Variants in WDFY2 observed in about 807,000 individuals in gnomAD.
WDFY2 encodes WD repeat and FYVE domain-containing protein 2.
In WDFY2, 36 loss-of-function variants were observed where a neutral mutation model predicts 56.4. That is an observed-to-expected ratio of 0.64 (90% CI 0.49 to 0.84). The LOEUF is 0.84. Ranked by LOEUF, WDFY2 falls within the 40% of genes least tolerant of loss-of-function variation. The pLI is 0.00. For missense variants in WDFY2, 444 were observed against 512.2 expected (o/e 0.87, Z 1.29); for synonymous variants, 176 against 183.7 (o/e 0.96, Z 0.34).
intron 7 of WDFY2, among the ~76,000 whole-genome samples, chr13:51,742,762 A>C (rs1547114): frequency 0.98 from 149,936 of 152,274 alleles, 73,857 homozygotes; most frequent in East Asian, 1. Context: ...TCCACCAAGA[A>C]TGGATTCAGC....
At chr13:51,695,846 G>C (rs549463974) in intron 3 of WDFY2, among the ~76,000 whole-genome samples, 117 of 152,328 alleles carry the variant, frequency 7.7e-4, no homozygotes, top group Middle Eastern at 6.8e-3. Flanking sequence ...TGGAGCTTCC[G>C]GGCTGCTTTG....
chr13:51,617,338 T>C (rs1431855511), intron 1 of WDFY2, among the ~76,000 whole-genome samples: 1 of 150,034 alleles, frequency 6.7e-6, no homozygotes, highest in Non-Finnish European at 1.5e-5. Flanking sequence ...AAGTACAGAA[T>C]TCTTTTTCTT....
intron 7 of WDFY2, among the ~76,000 whole-genome samples, chr13:51,747,244 A>C (rs1192291030): frequency 6.6e-6 from 1 of 152,282 alleles, no homozygotes; most frequent in Non-Finnish European, 1.5e-5. Flanking sequence ...TGATATCAGA[A>C]TGAGGGAAAG....
intron 3 of WDFY2, among the ~76,000 whole-genome samples, chr13:51,692,811 A>C (rs1047070014): frequency 1.1e-4 from 16 of 152,160 alleles, no homozygotes; most frequent in African/African-American, 1.7e-4. Flanking sequence ...TCGGCTGTGA[A>C]TCCATATGGT....
Position 51,759,925 on chromosome 13 carries a change from C to A in WDFY2, c.*156C>A. On this transcript the variant is annotated 3_prime_UTR_variant, in exon 12 of 12. Transcript: ENST00000298125. ...GATTACCCATGTGCACAGTGGGGAC[C>A]TGGCCAGTGAGCACTCGCAAGGGGA... 1.4e-6 allele frequency: 1 copy of A among 710,348 alleles called. No individual in the cohort carries two copies. The highest frequency in any genetic ancestry group is 2.3e-6 in the Non-Finnish European group (1 of 426,808). The allele number at this position is 710,348 out of a possible 1,614,324, so 44.0% of individuals were successfully genotyped here.
chr13:51,691,116 G>A (rs546557286), intron 3 of WDFY2, among the ~76,000 whole-genome samples: 1 of 152,036 alleles, frequency 6.6e-6, no homozygotes, highest in Admixed American at 6.5e-5. Context: ...AGATGAGTAG[G>A]TTGCGAAAAT....
intron 1 of WDFY2, among the ~76,000 whole-genome samples, chr13:51,610,913 TC>T (rs1379763904): frequency 6.6e-6 from 1 of 152,230 alleles, no homozygotes; most frequent in Non-Finnish European, 1.5e-5. Context: ...GAGTAACTCA[TC>T]CTTTGCTCTG....
chr13:51,677,680 G>A (rs1397291108), intron 3 of WDFY2, among the ~76,000 whole-genome samples: 18 of 152,260 alleles, frequency 1.2e-4, no homozygotes, highest in Middle Eastern at 3.4e-3. Flanking sequence ...TTAGGCAGCT[G>A]AGTAGTGAAT....
intron 4 of WDFY2, among the ~76,000 whole-genome samples, chr13:51,713,664 G>A (rs1952276071): frequency 6.6e-6 from 1 of 152,044 alleles, no homozygotes; most frequent in African/African-American, 2.4e-5. Flanking sequence ...CCTGAGGCCA[G>A]AAGTTCAAGA....
chr13:51,700,803 T>C (rs1951967883), intron 3 of WDFY2, among the ~76,000 whole-genome samples: 2 of 152,066 alleles, frequency 1.3e-5, no homozygotes, highest in African/African-American at 4.8e-5. Flanking sequence ...CTGTCTCTAC[T>C]AAAAATACAA....
intron 1 of WDFY2, among the ~76,000 whole-genome samples, chr13:51,627,902 T>C (rs1047458610): frequency 3.9e-5 from 6 of 152,180 alleles, no homozygotes; most frequent in Non-Finnish European, 8.8e-5. Flanking sequence ...GGTCCAGTCA[T>C]CTGCCGGAGT....
chr13:51,665,835 C>A (rs1177960593), intron 2 of WDFY2, among the ~76,000 whole-genome samples: 5 of 152,170 alleles, frequency 3.3e-5, no homozygotes, highest in Non-Finnish European at 1.5e-5. Flanking sequence ...TTTACTTTGG[C>A]TCCTAAGTAT....
chr13:51,591,652 T>G (rs938942206), intron 1 of WDFY2: 1 of 152,230 alleles, frequency 6.6e-6, no homozygotes, highest in Non-Finnish European at 1.5e-5. Flanking sequence ...GTTGCAGCCC[T>G]TATAAGATCC....
At chr13:51,727,654 C>A in intron 5 of WDFY2, 24 bp from the exon 6 acceptor site, 1 of 1,598,806 alleles carries the variant, frequency 6.3e-7, no homozygotes, top group Non-Finnish European at 8.5e-7. Context: ...TTTTGAGAAA[C>A]AATCCTTAAT....
chr13:51,737,370 A>G (rs1952860851), intron 6 of WDFY2, among the ~76,000 whole-genome samples: 1 of 152,060 alleles, frequency 6.6e-6, no homozygotes, highest in Admixed American at 6.5e-5. Context: ...AACAAAGCCA[A>G]GGGCATTTCT....
intron 1 of WDFY2, among the ~76,000 whole-genome samples, chr13:51,603,685 T>G (rs551793867): frequency 6.6e-6 from 1 of 152,354 alleles, no homozygotes; most frequent in Admixed American, 6.5e-5. Flanking sequence ...GTTAAAACCA[T>G]GCTTTTCCAG....
chr13:51,726,655 T>C (rs1406329663), intron 5 of WDFY2, among the ~76,000 whole-genome samples: 1 of 152,246 alleles, frequency 6.6e-6, no homozygotes, highest in East Asian at 1.9e-4. Context: ...TATCAGTTAA[T>C]GGTGGGAACC....
intron 6 of WDFY2, among the ~76,000 whole-genome samples, 171 bp downstream of exon 6, chr13:51,727,961 C>A (rs1055142336): frequency 5.3e-5 from 8 of 152,220 alleles, no homozygotes; most frequent in Non-Finnish European, 8.8e-5. Flanking sequence ...GATATAACAT[C>A]AAACGTTTTT....
At chr13:51,610,630 A>G (rs1466735904) in intron 1 of WDFY2, among the ~76,000 whole-genome samples, 1 of 152,234 alleles carries the variant, frequency 6.6e-6, no homozygotes, top group African/African-American at 2.4e-5. Flanking sequence ...ATATGAATGT[A>G]ACATTTACTT....
Sources: allele counts gnomAD v4.1 joint callset (sites outside exome capture counted in the v4.1 genomes callset), GRCh38; gene constraint gnomAD v4.1.1; transcripts MANE v1.5; gene names NCBI Gene and HGNC (gene_info 2026-07-23, HGNC 2026-07-21).